LRCH1: variants seen among roughly 807,000 people sequenced by gnomAD.
The protein encoded by LRCH1 is leucine-rich repeat and calponin homology domain-containing protein 1.
In LRCH1, 23 loss-of-function variants were observed where a neutral mutation model predicts 94.9. That is an observed-to-expected ratio of 0.24 (90% CI 0.17 to 0.34). The LOEUF (loss-of-function observed/expected upper bound fraction) is 0.34. LRCH1 is among the 10% of genes least tolerant of loss of function. The pLI, the probability that LRCH1 is intolerant of heterozygous loss-of-function variation, is 1.00. For synonymous variants in LRCH1, 364 were observed against 354.9 expected (o/e 1.03, Z -0.29); for missense variants, 790 against 945.9 (o/e 0.84, Z 2.16).
rs924473416 is a variant in LRCH1, at chr13:46,571,346, A to G, written c.307+17643A>G. Among the ~76,000 whole-genome samples, 3 of 152,270 alleles carry G rather than the reference A, an allele frequency of 2.0e-5. No individual in the cohort carries two copies. In the South Asian group the frequency reaches 6.2e-4, roughly 32 times the overall value. The stretch of plus-strand genomic sequence containing the variant: ...TTTCCATTGAGTGTGCTGTGTGCCA[A>G]GAGAACAGTTGTCAGTGGTATTCGC... On this transcript the variant is annotated intron_variant, in intron 1 of 19. Transcript: ENST00000389797.
intron 7 of LRCH1, among the ~76,000 whole-genome samples, chr13:46,691,018 T>C (rs905764931): frequency 2.6e-5 from 4 of 152,318 alleles, no homozygotes; most frequent in African/African-American, 9.6e-5. Context: ...TCTATGAATA[T>C]TTGTTGAATG....
At chr13:46,670,547 CTG>C (rs995145864) in intron 3 of LRCH1, among the ~76,000 whole-genome samples, 59 of 152,326 alleles carry the variant, frequency 3.9e-4, no homozygotes, top group Admixed American at 1.2e-3. Context: ...ACTGAGTCTG[CTG>C]TGCCCAAGGC....
chr13:46,741,988 G>A lies in LRCH1; in HGVS notation c.*140G>A. 1 of 1,506,534 alleles carries A rather than the reference G, an allele frequency of 6.6e-7. No individual in the cohort carries two copies. The highest frequency in any genetic ancestry group is 8.8e-7 in the Non-Finnish European group (1 of 1,135,756). 93.3% of individuals were successfully genotyped at this position (1,506,534 alleles called of 1,614,324 possible). A position where few individuals can be genotyped will look rare whatever the true frequency, so the allele number is the denominator to read the frequency against. On this transcript the variant is annotated 3_prime_UTR_variant, in exon 20 of 20. Transcript: ENST00000389797. ...TCTCGAGTTTTGAAGCTGAACAGTA[G>A]CAAATCAGATTTTCCAGAAGCACAA... is the stretch of plus-strand genomic sequence containing the variant.
At chr13:46,740,081 A>G (rs990432256) in intron 19 of LRCH1, among the ~76,000 whole-genome samples, 19 of 152,226 alleles carry the variant, frequency 1.2e-4, no homozygotes, top group African/African-American at 4.1e-4. Flanking sequence ...CTGTCTTATG[A>G]CTGCTTTGCT....
At chr13:46,693,810 A>G (rs1871035509) in intron 8 of LRCH1, among the ~76,000 whole-genome samples, 1 of 152,218 alleles carries the variant, frequency 6.6e-6, no homozygotes, top group Non-Finnish European at 1.5e-5. Flanking sequence ...ACAAGCATTT[A>G]GTTTTACTCA....
intron 19 of LRCH1, among the ~76,000 whole-genome samples, chr13:46,741,364 C>G (rs1873642659): frequency 6.6e-6 from 1 of 152,192 alleles, no homozygotes; most frequent in Non-Finnish European, 1.5e-5. Context: ...GTGTGAAAGG[C>G]AGAATGATGT....
At chr13:46,615,868 C>CT (rs148197270) in intron 1 of LRCH1, among the ~76,000 whole-genome samples, 2,646 of 152,238 alleles carry the variant, frequency 0.017, 79 homozygotes, top group African/African-American at 0.06. Flanking sequence ...AAGCATTATG[C>CT]TTTGAGTGTT....
At chr13:46,694,001 T>G (rs938593195) in intron 8 of LRCH1, among the ~76,000 whole-genome samples, 1 of 152,260 alleles carries the variant, frequency 6.6e-6, no homozygotes, top group African/African-American at 2.4e-5. Flanking sequence ...CATTTCTGTT[T>G]ACCTGAGATT....
At chr13:46,592,238 C>CCTGAGT (rs1158863326) in intron 1 of LRCH1, among the ~76,000 whole-genome samples, 1 of 152,142 alleles carries the variant, frequency 6.6e-6, no homozygotes, top group Non-Finnish European at 1.5e-5. Context: ...CAGGAGTATT[C>CCTGAGT]CTGAGTCAGA....
intron 1 of LRCH1, among the ~76,000 whole-genome samples, chr13:46,582,621 AC>A (rs2050383445): frequency 1.6e-5 from 2 of 123,732 alleles, no homozygotes; most frequent in Admixed American, 1.8e-4. Context: ...AGTGGCTGGG[AC>A]CACAGGCACG....
At chr13:46,725,106 G>T (rs1872750773) in intron 17 of LRCH1, among the ~76,000 whole-genome samples, 1 of 152,134 alleles carries the variant, frequency 6.6e-6, no homozygotes, top group Non-Finnish European at 1.5e-5. Context: ...ATACAGAAAT[G>T]GAAAACCAAA....
At position 46,692,657 on chromosome 13, in the gene LRCH1, TGTG is replaced by T. The variant is rs1324584559; in HGVS notation, c.1120+18_1120+20del. ...CCCGTTAAAGGTCTGAGAATAAAAA[TGTG>T]GAGAAAGTGCTTGTTTTTCAGTTTC... is the stretch of plus-strand genomic sequence containing the variant. On this transcript the variant is annotated intron_variant, in intron 8 of 19. Coordinates refer to ENST00000389797, the MANE Select transcript of LRCH1 (RefSeq NM_001164211.2). 6.3e-7 allele frequency: 1 copy of T among 1,594,248 alleles called. No individual in the cohort carries two copies. Among genetic ancestry groups the T allele is most frequent in the South Asian group, 1.1e-5 (1 of 90,718 alleles).
intron 1 of LRCH1, among the ~76,000 whole-genome samples, chr13:46,602,189 C>T (rs528597849): frequency 1.3e-5 from 2 of 152,346 alleles, no homozygotes; most frequent in African/African-American, 4.8e-5. Flanking sequence ...CTATGTATAG[C>T]TGACCCTGAG....
chr13:46,709,540 T>C (rs1871948102), intron 13 of LRCH1, among the ~76,000 whole-genome samples: 2 of 152,220 alleles, frequency 1.3e-5, no homozygotes, highest in Admixed American at 1.3e-4. Flanking sequence ...AGCACCTTTA[T>C]TTTAGCATGC....
chr13:46,735,271 A>G (rs1294081946), intron 19 of LRCH1, among the ~76,000 whole-genome samples: 1 of 152,208 alleles, frequency 6.6e-6, no homozygotes, highest in African/African-American at 2.4e-5. Context: ...CTTTGAATAT[A>G]TATGTGAACG....
chr13:46,739,829 G>A (rs1873563534), intron 19 of LRCH1, among the ~76,000 whole-genome samples: 4 of 152,190 alleles, frequency 2.6e-5, no homozygotes, highest in Admixed American at 2.6e-4. Flanking sequence ...GTGGCATCGT[G>A]AAATTGTTTC....
chr13:46,669,802 T>C (rs1362592157), intron 3 of LRCH1, among the ~76,000 whole-genome samples: 1 of 151,946 alleles, frequency 6.6e-6, no homozygotes, highest in Non-Finnish European at 1.5e-5. Flanking sequence ...TGAGCTAACA[T>C]AGGTGAAGGA....
chr13:46,580,376 A>G (rs2050351287), intron 1 of LRCH1, among the ~76,000 whole-genome samples: 1 of 152,156 alleles, frequency 6.6e-6, no homozygotes, highest in East Asian at 1.9e-4. Context: ...ATAATGAGGG[A>G]ATGAAATTAT....
At chr13:46,638,463 T>C (rs1594306090) in intron 1 of LRCH1, among the ~76,000 whole-genome samples, 1 of 152,232 alleles carries the variant, frequency 6.6e-6, no homozygotes, top group Non-Finnish European at 1.5e-5. Context: ...TGGTATAAAT[T>C]TTGAATTCTG....
Sources: allele counts gnomAD v4.1 joint callset (sites outside exome capture counted in the v4.1 genomes callset), GRCh38; gene constraint gnomAD v4.1.1; transcripts MANE v1.5; gene names NCBI Gene and HGNC (gene_info 2026-07-23, HGNC 2026-07-21).